Variants in SLC25A46 observed in about 807,000 individuals in gnomAD.
SLC25A46 encodes the protein mitochondrial outer membrane protein SLC25A46.
Under a neutral mutation model 44.6 loss-of-function variants are expected in SLC25A46, and 39 were observed. The ratio of observed to expected loss-of-function variants is 0.87; its 90% CI spans 0.68 to 1.14. The LOEUF is 1.14. Ranked by LOEUF, SLC25A46 falls within the 50% of genes most tolerant of loss-of-function variation. The pLI is 0.00. For synonymous variants in SLC25A46, 202 were observed against 185.8 expected, an observed-to-expected ratio of 1.09 and a Z score of -0.71; for missense variants, 547 against 522.7, an observed-to-expected ratio of 1.05 and a Z score of -0.45.
upstream of SLC25A46, chr5:110,738,957 A>G (rs576455970): frequency 3.0e-5 from 43 of 1,442,270 alleles, no homozygotes; most frequent in East Asian, 9.3e-4. Flanking sequence ...AAGAGGCTAT[A>G]ATCACGTGCT....
chr5:110,756,933 T>C (rs1800131988), intron 7 of SLC25A46, 174 bp downstream of exon 7: 1 of 413,664 alleles, frequency 2.4e-6, no homozygotes, highest in Non-Finnish European at 4.3e-6. Context: ...TTTCCATTGG[T>C]ATCTTAAGTC....
At position 110,761,077 on chromosome 5, in the gene SLC25A46, TG is replaced by T; in HGVS notation, c.679-126del. On this transcript the variant is annotated intron_variant, in intron 7 of 7. Coordinates refer to ENST00000355943, the MANE Select transcript of SLC25A46 (RefSeq NM_138773.4). The surrounding 1 kb of genome is among the most constrained non-coding windows in gnomAD (Gnocchi z 5.3). ...TGATGCCTAGATAACAGTTAAAGTC[TG>T]CAAATCATGGATGTTTCCCTCTTCA... The T allele has an allele frequency of 1.4e-6, 1 of 722,284 alleles. No homozygotes were observed. The highest frequency in any genetic ancestry group is 1.9e-5 in the South Asian group (1 of 52,798). The allele number at this position is 722,284 out of a possible 1,614,324, so 44.7% of individuals were successfully genotyped here.
At chr5:110,745,433 T>G (rs951040376) in intron 3 of SLC25A46, 1 of 152,306 alleles carries the variant, frequency 6.6e-6, no homozygotes, top group Non-Finnish European at 1.5e-5. Context: ...TTTTGTATTT[T>G]TAGTAGAGAC....
intron 2 of SLC25A46, 64 bp from the exon 3 acceptor site, chr5:110,743,666 T>C: frequency 1.2e-6 from 1 of 866,512 alleles, no homozygotes; most frequent in Non-Finnish European, 1.7e-6. Flanking sequence ...TTCAGAAAGA[T>C]ACCTGTTGTA....
intron 3 of SLC25A46, among the ~76,000 whole-genome samples, chr5:110,745,145 A>G (rs1449470002): frequency 2.0e-5 from 3 of 152,220 alleles, no homozygotes; most frequent in African/African-American, 7.2e-5. Context: ...AGGAAATTAT[A>G]TCTTAGTAAT....
intron 1 of SLC25A46, 50 bp downstream of exon 1, chr5:110,739,452 G>C: frequency 6.7e-7 from 1 of 1,497,722 alleles, no homozygotes; most frequent in South Asian, 1.3e-5. Context: ...TGGGGCCGCG[G>C]CTTGCGGCCT....
intron 2 of SLC25A46, among the ~76,000 whole-genome samples, chr5:110,743,125 T>C (rs1015804680): frequency 2.0e-5 from 3 of 152,096 alleles, no homozygotes; most frequent in Non-Finnish European, 4.4e-5. Flanking sequence ...TGTATGTATA[T>C]GTCACTCTGA....
rs1235241593 is a variant in SLC25A46, at chr5:110,740,910, T to C, written c.284-1137T>C. On this transcript the variant is annotated intron_variant, in intron 1 of 7. Coordinates refer to ENST00000355943, the MANE Select transcript of SLC25A46 (RefSeq NM_138773.4). ...GAGCTTGCAGTGAGCCGAGATCGCG[T>C]CACTGCACTCCAGCCTGGGCGACAG... Among the ~76,000 whole-genome samples the C allele has an allele frequency of 7.9e-5, 12 of 152,184 alleles. No homozygotes were observed. The East Asian group carries it at 1.6e-3, about 20-fold the overall frequency.
rs528550974 is a variant in SLC25A46 at position 110,748,334 on chromosome 5, T to A, written c.563+71T>A. On this transcript the variant is annotated intron_variant, in intron 5 of 7. Transcript: ENST00000355943. Reference sequence around the variant, plus strand: ...TGTTTTTAGATGCAGGCGGTACATGTGCAGGCTTGTTACATGGGTATATTG... The same window carrying A: ...TGTTTTTAGATGCAGGCGGTACATGAGCAGGCTTGTTACATGGGTATATTG... 5.6e-5 allele frequency: 68 copies of A among 1,222,130 alleles called. 1 individual carries two copies. The South Asian group carries it at 8.1e-4, about 14-fold the overall frequency. 75.7% of individuals were successfully genotyped at this position (1,222,130 alleles called of 1,614,324 possible).
chr5:110,740,783 C>T (rs1172048377), intron 1 of SLC25A46, among the ~76,000 whole-genome samples: 1 of 152,028 alleles, frequency 6.6e-6, no homozygotes, highest in East Asian at 1.9e-4. Flanking sequence ...AACCCCGTCT[C>T]CACTAAAAAA....
At chr5:110,753,868 C>T (rs1800034702) in intron 5 of SLC25A46, 1 of 152,124 alleles carries the variant, frequency 6.6e-6, no homozygotes, top group African/African-American at 2.4e-5. Flanking sequence ...TCGTCATAAA[C>T]TGTGGTAATA....
chr5:110,759,976 ATC>A (rs1490821382), intron 7 of SLC25A46, among the ~76,000 whole-genome samples: 1 of 152,134 alleles, frequency 6.6e-6, no homozygotes, highest in Non-Finnish European at 1.5e-5. Context: ...AATTCGAAAA[ATC>A]TTAGGTTGAG....
rs372778022 is a variant in SLC25A46, at chr5:110,740,938, C to T, written c.284-1109C>T. On this transcript the variant is annotated intron_variant, in intron 1 of 7. Transcript: ENST00000355943. ...CTGCACTCCAGCCTGGGCGACAGAG[C>T]GAGACTCCGTCTCAAAACAAACAAA... Among the ~76,000 whole-genome samples, 10 of 152,212 alleles carry T rather than the reference C, an allele frequency of 6.6e-5. No individual in the cohort carries two copies. In the East Asian group the frequency reaches 1.6e-3, roughly 24 times the overall value.
intron 5 of SLC25A46, among the ~76,000 whole-genome samples, chr5:110,750,951 CTTTATAAAATT>C (rs1799954471): frequency 6.6e-6 from 1 of 152,150 alleles, no homozygotes; most frequent in African/African-American, 2.4e-5. Context: ...AGGCATAGGA[CTTTATAAAATT>C]TTATCATCTA....
chr5:110,759,898 G>A (rs920674226), intron 7 of SLC25A46, among the ~76,000 whole-genome samples: 2 of 152,090 alleles, frequency 1.3e-5, no homozygotes, highest in African/African-American at 4.8e-5. Context: ...ATTTACTAAA[G>A]ACTCCCACAT....
chr5:110,739,180 G>A lies in SLC25A46; in HGVS notation c.61G>A (p.Glu21Lys), dbSNP rs978518059. The change falls in exon 1 of 8, where the codon GAG becomes AAG. Residue 21 changes from glutamate (E) to lysine (K), a missense_variant. Glu to Lys is a moderately conservative substitution (Grantham distance 56). Coordinates refer to ENST00000355943, the MANE Select transcript of SLC25A46 (RefSeq NM_138773.4). ...GLGYRGGARD[E>K]QGFGGAFPAR... ...GGGCTACCGGGGTGGTGCCCGGGAC[G>A]AGCAGGGCTTTGGCGGCGCCTTCCC... 1.3e-5 allele frequency: 20 copies of A among 1,551,906 alleles called. No homozygotes were observed. The highest frequency in any genetic ancestry group is 1.7e-5 in the Non-Finnish European group (20 of 1,147,840).
intron 3 of SLC25A46, among the ~76,000 whole-genome samples, chr5:110,745,412 C>T (rs1220206526): frequency 2.0e-5 from 3 of 152,072 alleles, no homozygotes; most frequent in African/African-American, 7.2e-5. Flanking sequence ...CGCCACCGTG[C>T]CCAGCTAATT....
intron 7 of SLC25A46, 21 bp downstream of exon 7, chr5:110,756,780 A>T: frequency 3.6e-6 from 5 of 1,380,892 alleles, no homozygotes; most frequent in Non-Finnish European, 4.8e-6. Context: ...TTTTACTGTC[A>T]TTTTTTTTTT....
chr5:110,739,076 G>A lies in SLC25A46; in HGVS notation c.-44G>A, dbSNP rs1799521952. On this transcript the variant is annotated 5_prime_UTR_variant, in exon 1 of 8. It adds an upstream start codon to the 5' untranslated region. Transcript: ENST00000355943. ...TGCTTAGGTCGTGGTGGCCCCGGTG[G>A]TGGTGGGCTCCGGGCGGGCTCGCGT... The A allele has an allele frequency of 2.6e-6, 4 of 1,533,500 alleles. No homozygotes were observed. Among genetic ancestry groups the A allele is most frequent in the Non-Finnish European group, 3.5e-6 (4 of 1,144,142 alleles). 95.0% of individuals were successfully genotyped at this position (1,533,500 alleles called of 1,614,324 possible).
Sources: allele counts gnomAD v4.1 joint callset (sites outside exome capture counted in the v4.1 genomes callset), GRCh38; gene constraint gnomAD v4.1.1; non-coding constraint Gnocchi (gnomAD v3.1); transcripts MANE v1.5; gene names NCBI Gene and HGNC (gene_info 2026-07-23, HGNC 2026-07-21).